Variants in RANBP2 observed in about 807,000 individuals in gnomAD.
The protein encoded by RANBP2 is RAN binding protein 2, also known as E3 SUMO-protein ligase RanBP2.
RANBP2 carries 57 observed loss-of-function variants against 303.6 expected under a neutral mutation model. The ratio of observed to expected loss-of-function variants is 0.19; its 90% CI spans 0.15 to 0.23. RANBP2 has a LOEUF of 0.23. RANBP2 is among the 10% of genes least tolerant of loss of function. RANBP2 has a pLI of 1.00. For missense variants in RANBP2, 3,138 were observed against 3,780.8 expected (o/e 0.83, Z 4.46); for synonymous variants, 1,167 against 1,301.5 (o/e 0.90, Z 2.23).
At chr2:109,227,562 G>A in the RANBP2 span, among the ~76,000 whole-genome samples, 1 of 152,186 alleles carries the variant, frequency 6.6e-6, no homozygotes, top group Non-Finnish European at 1.5e-5. Flanking sequence ...ATCCCTGTCT[G>A]CTTCTCTGGG....
At chr2:108,790,014 T>A (rs192936451), downstream of RANBP2, among the ~76,000 whole-genome samples, 2 of 152,362 alleles carry the variant, frequency 1.3e-5, no homozygotes, top group Admixed American at 1.3e-4. Flanking sequence ...AAAGTATCTG[T>A]ATGTTACATA....
the RANBP2 span, among the ~76,000 whole-genome samples, chr2:109,623,128 A>G: frequency 1.3e-5 from 2 of 152,146 alleles, no homozygotes; most frequent in African/African-American, 4.8e-5. Flanking sequence ...CTCTGTCTCA[A>G]AAAAGAAAAC....
chr2:108,992,660 A>G, the RANBP2 span, among the ~76,000 whole-genome samples: 3 of 152,244 alleles, frequency 2.0e-5, no homozygotes, highest in Non-Finnish European at 4.4e-5. Flanking sequence ...CTCAAATCCT[A>G]ACACAGTGTG....
At chr2:109,314,842 C>T in the RANBP2 span, among the ~76,000 whole-genome samples, 1 of 152,316 alleles carries the variant, frequency 6.6e-6, no homozygotes, top group South Asian at 2.1e-4. Context: ...GAGAATCAGA[C>T]CACCAAAATA....
At chr2:109,498,852 C>T in the RANBP2 span, among the ~76,000 whole-genome samples, 4 of 152,146 alleles carry the variant, frequency 2.6e-5, no homozygotes, top group Admixed American at 6.5e-5. Context: ...GCAGGCCCGG[C>T]GTGGCCACAC....
chr2:108,797,427 A>T, the RANBP2 span, among the ~76,000 whole-genome samples: 2 of 152,204 alleles, frequency 1.3e-5, no homozygotes, highest in Admixed American at 1.3e-4. Context: ...AGTAATAGGT[A>T]AGTCATTTCA....
Position 108,755,189 on chromosome 2 carries a change from C to T in RANBP2, c.2396C>T (p.Thr799Ile). The T allele has an allele frequency of 1.2e-6, 2 of 1,611,856 alleles. No homozygotes were observed. The highest frequency in any genetic ancestry group is 1.7e-6 in the Non-Finnish European group (2 of 1,179,826). Residue 799 changes from threonine to isoleucine, a missense_variant, in exon 17 of 29, where the codon ACA becomes ATA. By Grantham distance (89) the Thr-to-Ile change is moderately conservative. Coordinates refer to ENST00000283195, the MANE Select transcript of RANBP2 (RefSeq NM_006267.5). ...PSKSYKYSPK[T>I]PPRWAEDQNS... ...ATTTTTTTTTAGTATTCTCCCAAAA[C>T]ACCACCTCGATGGGCAGAAGATCAG...
At chr2:109,488,344 C>G in the RANBP2 span, among the ~76,000 whole-genome samples, 1 of 152,214 alleles carries the variant, frequency 6.6e-6, no homozygotes. Context: ...CAGACATTGC[C>G]ACCTGTCCCC....
At chr2:108,733,853 T>C (rs2149120502) in intron 4 of RANBP2, among the ~76,000 whole-genome samples, 1 of 151,930 alleles carries the variant, frequency 6.6e-6, no homozygotes, top group East Asian at 1.9e-4. Flanking sequence ...TCAGATTTTT[T>C]TTTTTTGGAA....
the RANBP2 span, among the ~76,000 whole-genome samples, chr2:109,583,439 T>C: frequency 1.3e-5 from 2 of 152,200 alleles, no homozygotes; most frequent in Non-Finnish European, 2.9e-5. Context: ...CACAATGAGA[T>C]ACCATCTCAC....
At chr2:109,308,047 A>G in the RANBP2 span, among the ~76,000 whole-genome samples, 1 of 147,178 alleles carries the variant, frequency 6.8e-6, no homozygotes, top group Admixed American at 6.7e-5. Context: ...CCAACAGTGT[A>G]AAGTGTTCCT....
chr2:109,226,964 G>A, the RANBP2 span, among the ~76,000 whole-genome samples: 14 of 152,308 alleles, frequency 9.2e-5, no homozygotes, highest in South Asian at 2.9e-3. Context: ...TCATGGCTCA[G>A]ATGATGCCAT....
the RANBP2 span, among the ~76,000 whole-genome samples, chr2:109,084,993 TG>T: frequency 2.0e-5 from 3 of 152,160 alleles, no homozygotes; most frequent in Non-Finnish European, 4.4e-5. Context: ...TGGTGAACCT[TG>T]GGCAATGACA....
the RANBP2 span, among the ~76,000 whole-genome samples, chr2:109,137,059 C>G: frequency 6.6e-6 from 1 of 152,194 alleles, no homozygotes; most frequent in East Asian, 1.9e-4. Context: ...TTGCATTGGT[C>G]TCTATTTATA....
the RANBP2 span, among the ~76,000 whole-genome samples, chr2:109,036,281 C>G: frequency 6.6e-6 from 1 of 152,092 alleles, no homozygotes; most frequent in South Asian, 2.1e-4. Flanking sequence ...GTATTAATAC[C>G]AATTTTACAC....
the RANBP2 span, among the ~76,000 whole-genome samples, chr2:109,278,258 C>T: frequency 1.3e-5 from 2 of 152,176 alleles, no homozygotes; most frequent in Non-Finnish European, 2.9e-5. Context: ...CCTGAGCCCA[C>T]GGTAGGCACT....
At chr2:109,642,577 G>T in the RANBP2 span, among the ~76,000 whole-genome samples, 1 of 151,192 alleles carries the variant, frequency 6.6e-6, no homozygotes, top group East Asian at 2.0e-4. Flanking sequence ...GTGAAACCCC[G>T]TCTCTACTAA....
At chr2:108,839,071 A>C in the RANBP2 span, 1 of 1,119,942 alleles carries the variant, frequency 8.9e-7, no homozygotes, top group African/African-American at 1.6e-5. Flanking sequence ...TTTGTTGGAG[A>C]ACTCTTTTGT....
At chr2:108,894,430 C>T in the RANBP2 span, 1 of 152,406 alleles carries the variant, frequency 6.6e-6, no homozygotes, top group South Asian at 2.1e-4. Flanking sequence ...CGACCCACCA[C>T]CCCAAATACA....
Sources: allele counts gnomAD v4.1 joint callset (sites outside exome capture counted in the v4.1 genomes callset), GRCh38; gene constraint gnomAD v4.1.1; transcripts MANE v1.5; gene names NCBI Gene and HGNC (gene_info 2026-07-23, HGNC 2026-07-21).